SPAST: variants seen among roughly 807,000 people sequenced by gnomAD.
SPAST encodes spastic paraplegia 4 (autosomal dominant; spastin).
Under a neutral mutation model 76.6 loss-of-function variants are expected in SPAST, and 30 were observed. The ratio of observed to expected loss-of-function variants is 0.39; its 90% CI spans 0.29 to 0.53. SPAST has a LOEUF of 0.53. Ranked by LOEUF, SPAST falls within the 20% of genes least tolerant of loss-of-function variation. SPAST has a pLI of 0.68. For synonymous variants in SPAST, 305 were observed against 281.0 expected (o/e 1.09, Z -0.86); for missense variants, 717 against 770.5 (o/e 0.93, Z 0.82).
intron 7 of SPAST, among the ~76,000 whole-genome samples, chr2:32,123,244 A>T (rs1273157827): frequency 6.7e-6 from 1 of 149,132 alleles, no homozygotes; most frequent in East Asian, 2.0e-4. Context: ...CCTGGGGGAC[A>T]GAGCAAGACT....
chr2:32,073,490 T>A (rs915307902), intron 1 of SPAST, among the ~76,000 whole-genome samples: 155 of 152,250 alleles, frequency 1.0e-3, no homozygotes, highest in Middle Eastern at 3.4e-3. Context: ...CTCTTTTTTT[T>A]AAAAATGTTT....
intron 1 of SPAST, among the ~76,000 whole-genome samples, chr2:32,077,479 A>G (rs949806521): frequency 2.6e-5 from 4 of 152,310 alleles, no homozygotes; most frequent in Non-Finnish European, 4.4e-5. Context: ...GTATCATCAT[A>G]TACCCTATTT....
intron 7 of SPAST, among the ~76,000 whole-genome samples, chr2:32,116,995 T>G (rs1678858972): frequency 1.3e-5 from 2 of 151,064 alleles, no homozygotes; most frequent in Non-Finnish European, 2.9e-5. Context: ...GTACGGTAGT[T>G]CACGCCTGTA....
At chr2:32,135,360 AC>A (rs1679503742) in intron 9 of SPAST, among the ~76,000 whole-genome samples, 1 of 148,576 alleles carries the variant, frequency 6.7e-6, no homozygotes, top group African/African-American at 2.5e-5. Flanking sequence ...CGATCTCCTG[AC>A]CTCGTGATCC....
At chr2:32,123,035 G>A (rs1244944170) in intron 7 of SPAST, among the ~76,000 whole-genome samples, 1 of 152,138 alleles carries the variant, frequency 6.6e-6, no homozygotes. Context: ...GCCGAGGTGG[G>A]CAGATCACCT....
Position 32,063,970 on chromosome 2 carries a change from A to C in SPAST, c.139A>C (p.Lys47Gln). 1.2e-6 allele frequency: 2 copies of C among 1,612,652 alleles called. No homozygotes were observed. Among genetic ancestry groups the C allele is most frequent in the South Asian group, 2.2e-5 (2 of 90,982 alleles). Residue 47 changes from lysine (K) to glutamine (Q), a missense_variant, in exon 1 of 17, where the codon AAG becomes CAG. Around this residue, in one of 3 missense-constraint regions of SPAST, gnomAD observed 543 missense variants for 445.2 expected, o/e 1.22. Coordinates refer to ENST00000315285, the MANE Select transcript of SPAST (RefSeq NM_014946.4). ...GGCCCCTCCGCCCGAGTCGCCGCAT[A>C]AGCGGAACCTGTACTATTTCTCCTA... Reference protein sequence around the residue: ...GPAPPPESPHKRNLYYFSYPL... With the variant: ...GPAPPPESPHQRNLYYFSYPL...
At chr2:32,064,558 C>T (rs1181772095) in intron 1 of SPAST, among the ~76,000 whole-genome samples, 2 of 152,188 alleles carry the variant, frequency 1.3e-5, no homozygotes, top group African/African-American at 4.8e-5. Context: ...CTAGAGTGAC[C>T]ACACTGATCC....
At chr2:32,107,059 C>T (rs1459247157) in intron 4 of SPAST, among the ~76,000 whole-genome samples, 1 of 152,042 alleles carries the variant, frequency 6.6e-6, no homozygotes, top group East Asian at 1.9e-4. Context: ...TCTTTTATTT[C>T]ATTTCACATG....
At chr2:32,099,137 A>T (rs530196685) in intron 4 of SPAST, among the ~76,000 whole-genome samples, 2 of 152,236 alleles carry the variant, frequency 1.3e-5, no homozygotes, top group East Asian at 3.8e-4. Flanking sequence ...ATTATAAAAT[A>T]TGAAGGTATA....
At chr2:32,150,086 T>G (rs1340640420) in intron 16 of SPAST, among the ~76,000 whole-genome samples, 2 of 149,530 alleles carry the variant, frequency 1.3e-5, no homozygotes, top group Non-Finnish European at 3.0e-5. Context: ...TTTTTTTTTG[T>G]GAGATGGAGT....
chr2:32,098,777 T>TA lies in SPAST; in HGVS notation c.587-18dup. On this transcript the variant is annotated intron_variant, in intron 3 of 16. Coordinates refer to ENST00000315285, the MANE Select transcript of SPAST (RefSeq NM_014946.4). Reference sequence around the variant, plus strand: ...CTTTTTGTTTATTTTTTCTGTTTTTTACCTTCTCTGTTGCATAGAGAAGAT... The same window carrying TA: ...CTTTTTGTTTATTTTTTCTGTTTTTTAACCTTCTCTGTTGCATAGAGAAGAT... The TA allele has an allele frequency of 1.3e-6, 2 of 1,524,728 alleles. No individual in the cohort carries two copies. Among genetic ancestry groups the TA allele is most frequent in the Non-Finnish European group, 1.8e-6 (2 of 1,098,824 alleles). The allele number at this position is 1,524,728 out of a possible 1,614,324, so 94.4% of individuals were successfully genotyped here. A position where few individuals can be genotyped will look rare whatever the true frequency, so the allele number is the denominator to read the frequency against.
intron 4 of SPAST, among the ~76,000 whole-genome samples, chr2:32,103,303 G>A (rs1404302434): frequency 6.6e-6 from 1 of 152,010 alleles, no homozygotes; most frequent in Non-Finnish European, 1.5e-5. Flanking sequence ...CTGTGGAATC[G>A]GTGGTGATAT....
At chr2:32,129,882 C>T (rs1187690720) in intron 9 of SPAST, 2 of 152,356 alleles carry the variant, frequency 1.3e-5, no homozygotes, top group African/African-American at 4.8e-5. Context: ...ACCTGTAGTC[C>T]CAGCTACTCA....
intron 2 of SPAST, among the ~76,000 whole-genome samples, chr2:32,088,502 G>C (rs1316653392): frequency 6.6e-6 from 1 of 152,148 alleles, no homozygotes; most frequent in Non-Finnish European, 1.5e-5. Flanking sequence ...AAATTAGCCA[G>C]GCGTGGTGTC....
At chr2:32,079,435 T>C (rs1677108688) in intron 1 of SPAST, among the ~76,000 whole-genome samples, 1 of 150,662 alleles carries the variant, frequency 6.6e-6, no homozygotes, top group African/African-American at 2.4e-5. Flanking sequence ...CGCTTAAGCC[T>C]AGGAGGCGGA....
At chr2:32,131,863 T>TC (rs1679380858) in intron 9 of SPAST, among the ~76,000 whole-genome samples, 1 of 151,494 alleles carries the variant, frequency 6.6e-6, no homozygotes, top group Non-Finnish European at 1.5e-5. Context: ...GGTTTCACCA[T>TC]GTTGGCCAGG....
chr2:32,071,416 C>G lies in SPAST; in HGVS notation c.415+7170C>G, dbSNP rs1049914202. Among the ~76,000 whole-genome samples the G allele has an allele frequency of 4.6e-5, 7 of 152,088 alleles. No homozygotes were observed. In the South Asian group the frequency reaches 8.3e-4, roughly 18 times the overall value. ...CATAGTTTTAAGCTGTGTATATGTG[C>G]ATGTGTGTATTTAAAATAACTTCGT... On this transcript the variant is annotated intron_variant, in intron 1 of 16. Transcript: ENST00000315285.
intron 4 of SPAST, among the ~76,000 whole-genome samples, chr2:32,108,674 C>T (rs1678415900): frequency 6.6e-6 from 1 of 150,756 alleles, no homozygotes. Context: ...TGGTCTCAAA[C>T]TCCTGGGCTC....
At chr2:32,153,561 C>T (rs1352400358) in intron 16 of SPAST, among the ~76,000 whole-genome samples, 1 of 151,738 alleles carries the variant, frequency 6.6e-6, no homozygotes, top group East Asian at 2.0e-4. Context: ...GGTGATCCAC[C>T]CGCCTTGGCC....
Sources: gnomAD v4.1 joint callset for allele counts (sites outside exome capture counted in the v4.1 genomes callset) on GRCh38, gnomAD v4.1.1 for gene constraint, gnomAD v4.1.1 regional missense constraint, MANE v1.5 for transcripts, NCBI Gene and HGNC (gene_info 2026-07-23, HGNC 2026-07-21) for gene names.